MACROD2: variants seen among roughly 807,000 people sequenced by gnomAD.
The protein encoded by MACROD2 is ADP-ribose glycohydrolase MACROD2.
Under a neutral mutation model 70.4 loss-of-function variants are expected in MACROD2, and 36 were observed. The ratio of observed to expected loss-of-function variants is 0.51; its 90% CI spans 0.39 to 0.68. MACROD2 has a LOEUF of 0.68. MACROD2 is among the 30% of genes least tolerant of loss of function. The pLI is 0.00. For synonymous variants in MACROD2, 172 were observed against 178.8 expected, an observed-to-expected ratio of 0.96 and a Z score of 0.30; for missense variants, 496 against 538.4, an observed-to-expected ratio of 0.92 and a Z score of 0.78.
chr20:15,537,877 T>C (rs925043510), intron 8 of MACROD2, among the ~76,000 whole-genome samples: 1 of 152,214 alleles, frequency 6.6e-6, no homozygotes, highest in Non-Finnish European at 1.5e-5. Context: ...TCAAGGCATC[T>C]TAGAGTTTTG....
At position 15,298,314 on chromosome 20, in the gene MACROD2, C is replaced by G. The variant is rs181090822; in HGVS notation, c.540+68253C>G. ...TGGGTTGTTGACTCCTTATTCTGTTCCAAGCACCCAGAGTGGAGAAAAAGG... is the reference window on the plus strand; with the variant it reads ...TGGGTTGTTGACTCCTTATTCTGTTGCAAGCACCCAGAGTGGAGAAAAAGG... On this transcript the variant is annotated intron_variant, in intron 6 of 17. Transcript: ENST00000684519. Among the ~76,000 whole-genome samples, 3 of 152,284 alleles carry G rather than the reference C, an allele frequency of 2.0e-5. No homozygotes were observed. The East Asian group carries it at 5.8e-4, about 29-fold the overall frequency.
At chr20:14,793,436 C>T (rs1430789846) in intron 5 of MACROD2, among the ~76,000 whole-genome samples, 2 of 151,356 alleles carry the variant, frequency 1.3e-5, no homozygotes, top group Admixed American at 6.6e-5. Context: ...CATTTTATCT[C>T]CCCCCACCAT....
At chr20:15,254,540 T>A (rs991223155) in intron 6 of MACROD2, among the ~76,000 whole-genome samples, 4 of 152,152 alleles carry the variant, frequency 2.6e-5, no homozygotes, top group Non-Finnish European at 5.9e-5. Context: ...AGACTGGGGA[T>A]ATTAATGGCT....
At position 15,078,602 on chromosome 20, in the gene MACROD2, T is replaced by C. The variant is rs539218369; in HGVS notation, c.419-151338T>C. ...AAAAATGTCAGTGCCTTCCAGGCCA[T>C]GTGTATTCTTCCCTGTTTTAGGAAT... On this transcript the variant is annotated intron_variant, in intron 5 of 17. Coordinates refer to ENST00000684519, the MANE Select transcript of MACROD2 (RefSeq NM_001351661.2). 2.0e-5 allele frequency among the ~76,000 whole-genome samples: 3 copies of C among 152,320 alleles called. No homozygotes were observed. The East Asian group carries it at 5.8e-4, about 29-fold the overall frequency.
intron 8 of MACROD2, among the ~76,000 whole-genome samples, chr20:15,794,951 T>C (rs1260947000): frequency 6.6e-6 from 1 of 152,144 alleles, no homozygotes; most frequent in Non-Finnish European, 1.5e-5. Flanking sequence ...AAGTAATTAA[T>C]GTCTTCCTCT....
intron 15 of MACROD2, among the ~76,000 whole-genome samples, chr20:16,023,130 T>C (rs2067026389): frequency 6.6e-6 from 1 of 152,160 alleles, no homozygotes; most frequent in African/African-American, 2.4e-5. Flanking sequence ...GTGGAGAGTT[T>C]AATATAAGAC....
At chr20:14,163,254 G>A (rs1406712595) in intron 3 of MACROD2, among the ~76,000 whole-genome samples, 2 of 151,964 alleles carry the variant, frequency 1.3e-5, no homozygotes, top group Non-Finnish European at 2.9e-5. Context: ...TTTTCTTTCA[G>A]CTCTTGTGAA....
intron 4 of MACROD2, among the ~76,000 whole-genome samples, chr20:14,601,298 C>G (rs1224580287): frequency 6.6e-6 from 1 of 152,060 alleles, no homozygotes; most frequent in Non-Finnish European, 1.5e-5. Context: ...TCATAAGGAG[C>G]ATGCAACCTA....
intron 3 of MACROD2, among the ~76,000 whole-genome samples, chr20:14,231,928 T>A: frequency 6.6e-6 from 1 of 152,266 alleles, no homozygotes; most frequent in East Asian, 1.9e-4. Flanking sequence ...TTTGGCTGCA[T>A]AAATGTCTTC....
chr20:15,615,183 A>G (rs2049020860), intron 8 of MACROD2, among the ~76,000 whole-genome samples: 1 of 152,206 alleles, frequency 6.6e-6, no homozygotes, highest in African/African-American at 2.4e-5. Flanking sequence ...TGTCATCAGA[A>G]TATCGAAATG....
intron 2 of MACROD2, among the ~76,000 whole-genome samples, chr20:14,046,763 G>A (rs1569133222): frequency 7.0e-6 from 1 of 142,768 alleles, no homozygotes; most frequent in Non-Finnish European, 1.5e-5. Context: ...TTATTAAGCT[G>A]TTTGTGATCC....
At chr20:15,387,253 A>C (rs1414835880) in intron 6 of MACROD2, among the ~76,000 whole-genome samples, 4 of 152,142 alleles carry the variant, frequency 2.6e-5, no homozygotes, top group Non-Finnish European at 5.9e-5. Context: ...ACCTAAAGTC[A>C]CTTGATTTTC....
rs148094216 is a variant in MACROD2 at position 15,935,894 on chromosome 20, T to A, written c.839-1582T>A. ...TAGAAGGAATGCCCAGAAGGCAAAT[T>A]TCCATTGTCTGGGTTTGGGACGGAC... On this transcript the variant is annotated intron_variant, in intron 11 of 17. Transcript: ENST00000684519. Among the ~76,000 whole-genome samples the A allele has an allele frequency of 4.0e-4, 61 of 152,272 alleles. 1 individual carries two copies. The East Asian group carries it at 0.011, about 27-fold the overall frequency.
intron 15 of MACROD2, among the ~76,000 whole-genome samples, chr20:16,022,680 A>C (rs2147557582): frequency 6.6e-6 from 1 of 152,316 alleles, no homozygotes; most frequent in Non-Finnish European, 1.5e-5. Context: ...ATTCAGATGG[A>C]CCAGTGGGGC....
chr20:15,344,737 A>G (rs999536489), intron 6 of MACROD2, among the ~76,000 whole-genome samples: 2 of 152,162 alleles, frequency 1.3e-5, no homozygotes, highest in Admixed American at 6.6e-5. Flanking sequence ...CTTGGTGTTA[A>G]TGGATCCAAG....
At chr20:15,154,640 T>A (rs747799660) in intron 5 of MACROD2, among the ~76,000 whole-genome samples, 1 of 152,182 alleles carries the variant, frequency 6.6e-6, no homozygotes, top group Non-Finnish European at 1.5e-5. Context: ...TCCCGTCTTG[T>A]TGCATCCTCA....
chr20:15,126,111 C>CTTT (rs5840654), intron 5 of MACROD2, among the ~76,000 whole-genome samples: 2 of 98,822 alleles, frequency 2.0e-5, no homozygotes, highest in African/African-American at 4.2e-5. Context: ...ATTGTTTCAA[C>CTTT]TTTTTTTTTT....
At chr20:15,286,981 CA>C (rs537496827) in intron 6 of MACROD2, among the ~76,000 whole-genome samples, 27 of 152,286 alleles carry the variant, frequency 1.8e-4, no homozygotes, top group Admixed American at 4.6e-4. Context: ...AGAGACGCTA[CA>C]CTGCATTTCC....
rs146564172 is a variant in MACROD2, at chr20:14,981,062, A to ATG, written c.419-248864_419-248863dup. ...TGTGTGTGTGTGTGTGCATGTGTGT[A>ATG]TGTGTGTGTGTGTGTCCCACCTAAC... On this transcript the variant is annotated intron_variant, in intron 5 of 17. Coordinates refer to ENST00000684519, the MANE Select transcript of MACROD2 (RefSeq NM_001351661.2). Among the ~76,000 whole-genome samples the ATG allele has an allele frequency of 1.0e-3, 147 of 141,710 alleles. 1 individual carries two copies. The South Asian group carries it at 0.027, about 26-fold the overall frequency. The allele number at this position is 141,710 out of a possible 152,430, so 93.0% of individuals were successfully genotyped here.
Sources: gnomAD v4.1 joint callset for allele counts (sites outside exome capture counted in the v4.1 genomes callset) on GRCh38, gnomAD v4.1.1 for gene constraint, MANE v1.5 for transcripts, NCBI Gene and HGNC (gene_info 2026-07-23, HGNC 2026-07-21) for gene names.